AGMAT: variants seen among roughly 807,000 people sequenced by gnomAD.
AGMAT encodes the protein guanidino acid hydrolase, mitochondrial.
AGMAT carries 37 observed loss-of-function variants against 29.3 expected under a neutral mutation model. That is an observed-to-expected ratio of 1.26 (90% confidence interval 0.97 to 1.66). The LOEUF is 1.66. Among genes scored for constraint, AGMAT ranks in the 40% most tolerant of loss-of-function variants. The pLI is 0.00. For synonymous variants in AGMAT, 199 were observed against 200.8 expected (o/e 0.99, Z 0.08); for missense variants, 498 against 497.8 (o/e 1.00, Z 0.00).
chr1:15,574,969 G>A, intron 5 of AGMAT, 128 bp from the exon 6 acceptor site: 2 of 675,302 alleles, frequency 3.0e-6, no homozygotes, highest in South Asian at 3.3e-5. Context: ...AACATTTGTT[G>A]ACTGCCAGGC....
chr1:15,577,655 C>T (rs769066289), intron 5 of AGMAT, 30 bp downstream of exon 5: 31 of 1,589,446 alleles, frequency 2.0e-5, no homozygotes, highest in Non-Finnish European at 2.5e-5. Context: ...GTCTCCACCC[C>T]CAGGATCTTC....
At chr1:15,574,012 C>T (rs1214699763) in intron 6 of AGMAT, among the ~76,000 whole-genome samples, 1 of 152,180 alleles carries the variant, frequency 6.6e-6, no homozygotes, top group Non-Finnish European at 1.5e-5. Context: ...ATTATCTATC[C>T]TCTGAGGTCG....
intron 2 of AGMAT, among the ~76,000 whole-genome samples, chr1:15,582,174 C>CAGA (rs1553150520): frequency 6.6e-6 from 1 of 151,138 alleles, no homozygotes; most frequent in African/African-American, 2.4e-5. Flanking sequence ...GAGGCTGAGA[C>CAGA]AGAATTGCTT....
chr1:15,574,704 G>C (rs1227640077), intron 6 of AGMAT, 53 bp downstream of exon 6: 2 of 1,480,194 alleles, frequency 1.4e-6, no homozygotes, highest in Non-Finnish European at 9.4e-7. Flanking sequence ...AACTAGCTTC[G>C]TGTAATTTAA....
chr1:15,583,197 G>A lies in AGMAT; in HGVS notation c.471C>T (p.Thr157=), dbSNP rs1434597224. The change falls in exon 2 of 7, where the codon ACC becomes ACT. Residue 157 remains threonine (T), a synonymous_variant. Transcript: ENST00000375826. ...GCTCTTGCAGACTGACATTACCCAA[G>A]GTCAGAGGAATACAGCCAGCTGCTA... ...KIVAAGCIPL[T]LGGDHTITYP... is the part of the protein sequence containing the mutation. 2 of 1,613,912 alleles carry A rather than the reference G, an allele frequency of 1.2e-6. No individual in the cohort carries two copies. Among genetic ancestry groups the A allele is most frequent in the South Asian group, 1.1e-5 (1 of 91,062 alleles).
At chr1:15,577,164 A>G (rs1320341271) in intron 5 of AGMAT, among the ~76,000 whole-genome samples, 1 of 152,138 alleles carries the variant, frequency 6.6e-6, no homozygotes, top group Non-Finnish European at 1.5e-5. Context: ...AGGGACTATT[A>G]TATCCCAGAT....
intron 1 of AGMAT, 132 bp from the exon 2 acceptor site, chr1:15,583,527 T>A: frequency 1.2e-6 from 1 of 857,418 alleles, no homozygotes; most frequent in Non-Finnish European, 1.8e-6. Flanking sequence ...ATGGAATGCT[T>A]AGCAGCATCC....
In AGMAT at chr1:15,573,615, G is replaced by GCGA; in HGVS notation, c.*33_*35dup. On this transcript the variant is annotated 3_prime_UTR_variant, in exon 7 of 7. Coordinates refer to ENST00000375826, the MANE Select transcript of AGMAT (RefSeq NM_024758.5). ...ATAAGTTCTTCTTGAGAACTTGTCAGCGACGCAATCTGTTTTGTCTTGAAG... is the reference window on the plus strand; with the variant it reads ...ATAAGTTCTTCTTGAGAACTTGTCAGCGACGACGCAATCTGTTTTGTCTTGAAG... The GCGA allele has an allele frequency of 6.3e-7, 1 of 1,596,058 alleles. No individual in the cohort carries two copies. Among genetic ancestry groups the GCGA allele is most frequent in the African/African-American group, 1.3e-5 (1 of 74,678 alleles).
At chr1:15,575,729 TTTTATTTATTTA>T (rs78080274) in intron 5 of AGMAT, 8,226 of 142,758 alleles carry the variant, frequency 0.058, 425 homozygotes, top group African/African-American at 0.14. Context: ...TCACATGCAC[TTTTATTTATTTA>T]TTTATTTATT....
intron 2 of AGMAT, among the ~76,000 whole-genome samples, chr1:15,581,750 C>T (rs1639116899): frequency 6.6e-6 from 1 of 151,916 alleles, no homozygotes. Flanking sequence ...TGGCACGCGC[C>T]TGTAATCCCA....
At chr1:15,579,082 C>T (rs1190246670) in intron 3 of AGMAT, 28 bp from the exon 4 acceptor site, 11 of 1,605,464 alleles carry the variant, frequency 6.9e-6, no homozygotes, top group Non-Finnish European at 9.4e-6. Context: ...GCTCAGAGGC[C>T]AACCCTCCCT....
In AGMAT at chr1:15,584,858, G is replaced by A. The variant is rs1639165439; in HGVS notation, c.110C>T (p.Ser37Phe). Residue 37 changes from serine (S) to phenylalanine (F), a missense_variant, in exon 1 of 7, where the codon TCC (serine) becomes TTC (phenylalanine). Ser to Phe is a radical substitution (Grantham distance 155, BLOSUM62 -2). Transcript: ENST00000375826. ...GGGGGGCTGGTTCCGGGGCGCGTCG[G>A]AAGCCTGGCGGCTCTGGCGGCGCCC... ...HPGRRQSRQA[S>F]DAPRNQPPSP... The A allele has an allele frequency of 7.0e-7, 1 of 1,419,682 alleles. No individual in the cohort carries two copies. The highest frequency in any genetic ancestry group is 9.2e-7 in the Non-Finnish European group (1 of 1,092,356). The allele number at this position is 1,419,682 out of a possible 1,614,324, so 87.9% of individuals were successfully genotyped here.
intron 1 of AGMAT, 70 bp downstream of exon 1, chr1:15,584,625 GT>G (rs1376985584): frequency 8.8e-6 from 11 of 1,244,882 alleles, no homozygotes; most frequent in Non-Finnish European, 1.0e-5. Flanking sequence ...GCCTGTCTCG[GT>G]GCTTTCCATG....
chr1:15,582,427 C>T (rs1639128565), intron 2 of AGMAT, among the ~76,000 whole-genome samples: 1 of 152,150 alleles, frequency 6.6e-6, no homozygotes, highest in East Asian at 1.9e-4. Flanking sequence ...TATACAGCAA[C>T]ATTGCTAGGG....
Position 15,571,923 on chromosome 1 carries a change from TA to T in AGMAT, c.*1727del, listed in dbSNP as rs1303380045. Among the ~76,000 whole-genome samples, 4 of 152,066 alleles carry T rather than the reference TA, an allele frequency of 2.6e-5. No individual in the cohort carries two copies. Among genetic ancestry groups the T allele is most frequent in the Admixed American group, 6.6e-5 (1 of 15,264 alleles). ...GAGTCTTACAGGAAGTGAGTTACAATAAGTAACATTAAGAGCCCAGCTGCCA... is the reference window on the plus strand; with the variant it reads ...GAGTCTTACAGGAAGTGAGTTACAATAGTAACATTAAGAGCCCAGCTGCCA... On this transcript the variant is annotated 3_prime_UTR_variant, in exon 7 of 7. Transcript: ENST00000375826.
chr1:15,578,809 G>A (rs762830062), intron 4 of AGMAT, 50 bp downstream of exon 4: 1 of 1,593,026 alleles, frequency 6.3e-7, no homozygotes, highest in Admixed American at 1.7e-5. Context: ...TGAGGCAACG[G>A]AGAGGAAGAC....
At position 15,578,921 on chromosome 1, in the gene AGMAT, C is replaced by CTG. The variant is rs1557596715; in HGVS notation, c.657_658insCA (p.Val220GlnfsTer26). 1 of 1,614,184 alleles carries CTG rather than the reference C, an allele frequency of 6.2e-7. No homozygotes were observed. ...GAAGAGCCCCGGATGCCAATCTGCA[C>CTG]CACACGCTTACAGTCCAGGAGACCC... is the stretch of plus-strand genomic sequence containing the variant. On this transcript the variant is annotated frameshift_variant, in exon 4 of 7. Coordinates refer to ENST00000375826, the MANE Select transcript of AGMAT (RefSeq NM_024758.5). LOFTEE classifies it high-confidence loss of function.
chr1:15,574,981 C>T, intron 5 of AGMAT, 140 bp from the exon 6 acceptor site: 1 of 620,780 alleles, frequency 1.6e-6, no homozygotes, highest in Non-Finnish European at 2.9e-6. Context: ...CTGCCAGGCA[C>T]ACTGGCAGGC....
At chr1:15,575,186 C>A (rs1247956768) in intron 5 of AGMAT, 1 of 187,290 alleles carries the variant, frequency 5.3e-6, no homozygotes, top group East Asian at 1.4e-4. Context: ...ATACCCAGTT[C>A]AAGGGATAGG....
Sources: gnomAD v4.1 joint callset for allele counts (sites outside exome capture counted in the v4.1 genomes callset) on GRCh38, gnomAD v4.1.1 for gene constraint, MANE v1.5 for transcripts, NCBI Gene and HGNC (gene_info 2026-07-23, HGNC 2026-07-21) for gene names.